Variants in PRDM15 observed in about 807,000 individuals in gnomAD.
The protein encoded by PRDM15 is PR/SET domain 15, also known as PR domain zinc finger protein 15.
A neutral mutation model predicts 128.6 loss-of-function variants in PRDM15; 64 were observed. The observed-to-expected ratio is 0.50, with a 90% CI of 0.41 to 0.61. The LOEUF is 0.61. Ranked by LOEUF, PRDM15 falls within the 20% of genes least tolerant of loss-of-function variation. The pLI is 0.00. For synonymous variants in PRDM15, 615 were observed against 621.8 expected (o/e 0.99, Z 0.16); for missense variants, 1,242 against 1,569.1 (o/e 0.79, Z 3.52).
intron 6 of PRDM15, among the ~76,000 whole-genome samples, chr21:41,841,359 A>G (rs2063068755): frequency 6.6e-6 from 1 of 152,258 alleles, no homozygotes. Flanking sequence ...GCATAACAAC[A>G]TCCCCAATGT....
At chr21:41,877,691 C>T (rs550548366) in intron 1 of PRDM15, 1 of 152,294 alleles carries the variant, frequency 6.6e-6, no homozygotes, top group East Asian at 1.9e-4. Context: ...AGTTCTTTGT[C>T]AAATATAATT....
chr21:41,798,847 T>C lies in PRDM15; in HGVS notation c.*2393A>G, dbSNP rs1168381742. 1 of 152,272 alleles carries C rather than the reference T, an allele frequency of 6.6e-6. No individual in the cohort carries two copies. Among genetic ancestry groups the C allele is most frequent in the African/African-American group, 2.4e-5 (1 of 41,462 alleles). 9.4% of individuals were successfully genotyped at this position (152,272 alleles called of 1,614,324 possible). A position where few individuals can be genotyped will look rare whatever the true frequency, so the allele number is the denominator to read the frequency against. Reference sequence around the variant, plus strand: ...GCCTGGGTGGTACATGGTTGTTGTATTTTGCTATCTAGTTTCTTTGATGCA... The same window carrying C: ...GCCTGGGTGGTACATGGTTGTTGTACTTTGCTATCTAGTTTCTTTGATGCA... On this transcript the variant is annotated 3_prime_UTR_variant, in exon 24 of 24. Transcript: ENST00000398548.
Position 41,828,406 on chromosome 21 carries a change from C to T in PRDM15, c.1367-73G>A. The stretch of plus-strand genomic sequence containing the variant: ...TCTCACGCAGGCACGCACGTGTGGC[C>T]TGAACGTCAATAAAGCGCGGGTGAC... On this transcript the variant is annotated intron_variant, in intron 11 of 23. Transcript: ENST00000398548. The surrounding 1 kb of genome is among the most constrained non-coding windows in gnomAD (Gnocchi z 5.7). 1 of 1,534,588 alleles carries T rather than the reference C, an allele frequency of 6.5e-7. No individual in the cohort carries two copies. The highest frequency in any genetic ancestry group is 1.4e-5 in the African/African-American group (1 of 73,524).
At chr21:41,806,507 CCAT>C (rs1371163156) in intron 21 of PRDM15, among the ~76,000 whole-genome samples, 1 of 56,850 alleles carries the variant, frequency 1.8e-5, no homozygotes, top group South Asian at 7.2e-4. Flanking sequence ...ACCACCATCA[CCAT>C]CACCACCACC....
chr21:41,815,858 G>C (rs1408119855), intron 18 of PRDM15, 22 bp from the exon 19 acceptor site: 1 of 1,610,556 alleles, frequency 6.2e-7, no homozygotes, highest in East Asian at 2.2e-5. Flanking sequence ...CAGCGAGTCA[G>C]AGGCGGCCAC....
chr21:41,855,894 CTTCCTTCCTTCCTTTCCT>C (rs2063567437), intron 4 of PRDM15, among the ~76,000 whole-genome samples: 1 of 144,396 alleles, frequency 6.9e-6, no homozygotes, highest in African/African-American at 2.6e-5. Context: ...CTTTTCTTTC[CTTCCTTCCTTCCTTTCCT>C]TCCCTCCCTC....
chr21:41,856,256 C>T lies in PRDM15; in HGVS notation c.285+920G>A, dbSNP rs1329316201. 1.4e-3 allele frequency among the ~76,000 whole-genome samples: 8 copies of T among 5,556 alleles called. No homozygotes were observed. The East Asian group carries it at 0.017, about 12-fold the overall frequency. 3.6% of individuals were successfully genotyped at this position (5,556 alleles called of 152,430 possible). A position where few individuals can be genotyped will look rare whatever the true frequency, so the allele number is the denominator to read the frequency against. ...CCTTCCCTTCCTTCCTTCCCTCCCT[C>T]CCCTCCCTTCCTTCCTTCCCTCCTT... On this transcript the variant is annotated intron_variant, in intron 4 of 23. Transcript: ENST00000398548.
chr21:41,801,851 A>G (rs920742576), intron 23 of PRDM15, 129 bp from the exon 24 acceptor site: 6 of 1,098,102 alleles, frequency 5.5e-6, no homozygotes, highest in Admixed American at 2.9e-5. Flanking sequence ...GAGGAAACCG[A>G]GTTAATTTTG....
chr21:41,866,451 T>G (rs1197852920), intron 1 of PRDM15, among the ~76,000 whole-genome samples: 1 of 152,264 alleles, frequency 6.6e-6, no homozygotes, highest in Non-Finnish European at 1.5e-5. Context: ...GCCTGGGGTC[T>G]CTCTCCTTAG....
chr21:41,857,120 T>C, intron 4 of PRDM15, 56 bp downstream of exon 4: 1 of 1,546,574 alleles, frequency 6.5e-7, no homozygotes, highest in Non-Finnish European at 8.8e-7. Flanking sequence ...CATTCCCACA[T>C]GGGAACGCCA....
At chr21:41,861,846 A>C in intron 1 of PRDM15, 1 of 1,577,412 alleles carries the variant, frequency 6.3e-7, no homozygotes, top group South Asian at 1.1e-5. Context: ...TTTGCCCTTA[A>C]AATGCCAGAA....
intron 13 of PRDM15, among the ~76,000 whole-genome samples, chr21:41,823,773 A>G (rs2062370353): frequency 1.3e-5 from 2 of 152,374 alleles, no homozygotes. Flanking sequence ...CCAAGGAACC[A>G]GCAAACCACA....
At chr21:41,834,446 G>A in intron 11 of PRDM15, 1 of 1,440,232 alleles carries the variant, frequency 6.9e-7, no homozygotes, top group Non-Finnish European at 9.6e-7. Flanking sequence ...ACAACACAGA[G>A]ATGCAAGTGA....
At chr21:41,861,558 C>A (rs759506526) in intron 1 of PRDM15, 2 of 1,576,388 alleles carry the variant, frequency 1.3e-6, no homozygotes, top group Admixed American at 3.4e-5. Flanking sequence ...CCCAACTGTG[C>A]GCACCGGCAT....
At chr21:41,801,921 G>A (rs2146128546) in intron 23 of PRDM15, among the ~76,000 whole-genome samples, 199 bp from the exon 24 acceptor site, 1 of 152,268 alleles carries the variant, frequency 6.6e-6, no homozygotes, top group South Asian at 2.1e-4. Context: ...TGAAAGCAAT[G>A]AGAAGGAACT....
chr21:41,869,727 G>T (rs1158246127), intron 1 of PRDM15, among the ~76,000 whole-genome samples: 2 of 152,198 alleles, frequency 1.3e-5, no homozygotes, highest in Non-Finnish European at 2.9e-5. Flanking sequence ...TTACAGGCGT[G>T]AGCCACCAGG....
chr21:41,856,923 C>A (rs1281418643), intron 4 of PRDM15, among the ~76,000 whole-genome samples: 1 of 152,230 alleles, frequency 6.6e-6, no homozygotes, highest in Non-Finnish European at 1.5e-5. Context: ...ATTTGGGTTT[C>A]TCCTGCATAT....
rs1202099388 is a variant in PRDM15, at chr21:41,810,982, C to A, written c.2393-146G>T. The A allele has an allele frequency of 1.0e-5, 7 of 666,916 alleles. No individual in the cohort carries two copies. Among genetic ancestry groups the A allele is most frequent in the Non-Finnish European group, 1.8e-5 (7 of 379,964 alleles). 41.3% of individuals were successfully genotyped at this position (666,916 alleles called of 1,614,324 possible). A position where few individuals can be genotyped will look rare whatever the true frequency, so the allele number is the denominator to read the frequency against. Reference sequence around the variant, plus strand: ...AAGAAGACAGCAGACAATGAACGCTCATCCCCAGCCTCGGCCAGCAAAGTG... The same window carrying A: ...AAGAAGACAGCAGACAATGAACGCTAATCCCCAGCCTCGGCCAGCAAAGTG... On this transcript the variant is annotated intron_variant, in intron 19 of 23. Transcript: ENST00000398548. This position sits in a 1 kb window ranked among gnomAD's most constrained non-coding sequence, Gnocchi z 6.4.
intron 19 of PRDM15, chr21:41,812,739 AGCTGTGG>A (rs1305271859): frequency 6.6e-6 from 1 of 152,228 alleles, no homozygotes; most frequent in East Asian, 1.9e-4. Context: ...AAATAAGACA[AGCTGTGG>A]GCCACTGCCC....
Sources: allele counts gnomAD v4.1 joint callset (sites outside exome capture counted in the v4.1 genomes callset), GRCh38; gene constraint gnomAD v4.1.1; non-coding constraint Gnocchi (gnomAD v3.1); transcripts MANE v1.5; gene names NCBI Gene and HGNC (gene_info 2026-07-23, HGNC 2026-07-21).